IQSEC1: variants seen among roughly 807,000 people sequenced by gnomAD.
IQSEC1 encodes the protein IQ motif and Sec7 domain ArfGEF 1, also known as IQ motif and SEC7 domain-containing protein 1.
In IQSEC1, 31 loss-of-function variants were observed where a neutral mutation model predicts 91.0. The observed-to-expected ratio is 0.34, with a 90% CI of 0.26 to 0.46. The LOEUF is 0.46. Among genes scored for constraint, IQSEC1 ranks in the 20% least tolerant of loss-of-function variants. The probability of loss-of-function intolerance (pLI) is 1.00; values close to 1 mark genes in which losing one functional copy is unlikely to be tolerated. For missense variants in IQSEC1, 1,388 were observed against 1,575.6 expected, an observed-to-expected ratio of 0.88 and a Z score of 2.02; for synonymous variants, 699 against 662.6, an observed-to-expected ratio of 1.05 and a Z score of -0.84.
chr3:12,946,800 G>A (rs140403300), intron 1 of IQSEC1, among the ~76,000 whole-genome samples: 111 of 152,264 alleles, frequency 7.3e-4, no homozygotes, highest in African/African-American at 2.5e-3. Flanking sequence ...CCTGCTGCCC[G>A]CCACAGTTCT....
chr3:13,026,226 T>C (rs1007892596), intron 1 of IQSEC1, among the ~76,000 whole-genome samples: 5 of 152,154 alleles, frequency 3.3e-5, no homozygotes, highest in African/African-American at 1.2e-4. Flanking sequence ...CTCTTTCTGG[T>C]TCATGAAACT....
chr3:13,239,254 C>A (rs1333955450), intron 1 of IQSEC1, among the ~76,000 whole-genome samples: 1 of 152,236 alleles, frequency 6.6e-6, no homozygotes, highest in African/African-American at 2.4e-5. Flanking sequence ...ACTCCACAGG[C>A]AACAGCCACC....
chr3:13,265,750 C>T (rs1030145427), intron 1 of IQSEC1, among the ~76,000 whole-genome samples: 1 of 152,078 alleles, frequency 6.6e-6, no homozygotes, highest in Non-Finnish European at 1.5e-5. Context: ...AAGGATACAA[C>T]AATCCTTTTT....
chr3:12,976,609 C>T (rs1201631210), intron 1 of IQSEC1, among the ~76,000 whole-genome samples: 2 of 152,236 alleles, frequency 1.3e-5, no homozygotes, highest in African/African-American at 2.4e-5. Context: ...CCTGAACCTT[C>T]GTCCACATTC....
At chr3:12,953,042 G>A (rs1284370671) in intron 1 of IQSEC1, among the ~76,000 whole-genome samples, 1 of 152,246 alleles carries the variant, frequency 6.6e-6, no homozygotes, top group Non-Finnish European at 1.5e-5. Context: ...CAGGAAGGGA[G>A]GCCAGTCAGC....
intron 10 of IQSEC1, 70 bp downstream of exon 10, chr3:12,911,559 G>A (rs1695559661): frequency 3.2e-6 from 4 of 1,236,944 alleles, no homozygotes; most frequent in Non-Finnish European, 4.8e-6. Context: ...TTCTGTCCTC[G>A]AAGCAGCCAG....
Position 13,193,428 on chromosome 3 carries a change from G to A in IQSEC1, c.273-29295C>T, listed in dbSNP as rs1282254968. Among the ~76,000 whole-genome samples, 1 of 152,214 alleles carries A rather than the reference G, an allele frequency of 6.6e-6. No homozygotes were observed. The highest frequency in any genetic ancestry group is 1.5e-5 in the Non-Finnish European group (1 of 68,040). ...AGAGGTGGCTTGGAAAGAGCTCTCTGGCTACAGAGTGGTGACCACAGGAAG... is the reference window on the plus strand; with the variant it reads ...AGAGGTGGCTTGGAAAGAGCTCTCTAGCTACAGAGTGGTGACCACAGGAAG... On this transcript the variant is annotated intron_variant, in intron 1 of 15. Coordinates refer to the IQSEC1 transcript ENST00000648114. This position sits in a 1 kb window ranked among gnomAD's most constrained non-coding sequence, Gnocchi z 4.2.
chr3:13,194,832 A>G (rs1694098493), intron 1 of IQSEC1, among the ~76,000 whole-genome samples: 1 of 152,178 alleles, frequency 6.6e-6, no homozygotes, highest in African/African-American at 2.4e-5. Context: ...TCCAGCCTCA[A>G]CCTCAGACCC....
chr3:12,995,591 G>A (rs1368515362), intron 1 of IQSEC1, among the ~76,000 whole-genome samples: 1 of 152,202 alleles, frequency 6.6e-6, no homozygotes. Context: ...ACCCACCTGC[G>A]AAGCTGTAGC....
chr3:13,102,682 C>G (rs1240639406), intron 2 of IQSEC1, among the ~76,000 whole-genome samples: 6 of 152,162 alleles, frequency 3.9e-5, no homozygotes, highest in African/African-American at 1.4e-4. Context: ...CTGTCAACTG[C>G]AGGCCACAGG....
At chr3:13,245,872 T>A in intron 1 of IQSEC1, among the ~76,000 whole-genome samples, 1 of 151,636 alleles carries the variant, frequency 6.6e-6, no homozygotes, top group East Asian at 1.9e-4. Context: ...TGAAAGACAC[T>A]GGGATTTGTT....
intron 1 of IQSEC1, among the ~76,000 whole-genome samples, chr3:12,993,182 GA>G (rs1167055333): frequency 6.6e-6 from 1 of 152,146 alleles, no homozygotes; most frequent in Non-Finnish European, 1.5e-5. Context: ...AACTCTCCTG[GA>G]GGTCTACCGG....
chr3:13,259,218 C>T lies in IQSEC1; in HGVS notation c.272+23493G>A, dbSNP rs1247444233. Among the ~76,000 whole-genome samples the T allele has an allele frequency of 1.3e-5, 2 of 152,202 alleles. No homozygotes were observed. The highest frequency in any genetic ancestry group is 2.9e-5 in the Non-Finnish European group (2 of 68,002). ...GCAGGCCCTGGGACGGGACAGTTTCCACTGGAGCAGGACCTGGACAAGAGG... is the reference window on the plus strand; with the variant it reads ...GCAGGCCCTGGGACGGGACAGTTTCTACTGGAGCAGGACCTGGACAAGAGG... On this transcript the variant is annotated intron_variant, in intron 1 of 15. Transcript: ENST00000648114. The surrounding 1 kb of genome is among the most constrained non-coding windows in gnomAD (Gnocchi z 4.6).
intron 2 of IQSEC1, among the ~76,000 whole-genome samples, chr3:13,122,332 G>C (rs571412546): frequency 7.2e-5 from 11 of 152,392 alleles, no homozygotes; most frequent in Admixed American, 7.2e-4. Flanking sequence ...TGGCAGGGCA[G>C]GTGGCCAGGG....
intron 1 of IQSEC1, among the ~76,000 whole-genome samples, chr3:13,039,461 G>C (rs140577097): frequency 1.3e-5 from 2 of 152,348 alleles, no homozygotes; most frequent in South Asian, 4.1e-4. Context: ...GTTTGGGATC[G>C]CCGTTTTAAA....
intron 1 of IQSEC1, among the ~76,000 whole-genome samples, chr3:12,976,492 C>A (rs566389361): frequency 3.0e-4 from 46 of 152,372 alleles, no homozygotes; most frequent in African/African-American, 1.1e-3. Context: ...TTGGGTTCTG[C>A]AGCTTCCAAG....
At chr3:13,018,343 A>T (rs1174140533) in intron 1 of IQSEC1, among the ~76,000 whole-genome samples, 2 of 152,116 alleles carry the variant, frequency 1.3e-5, no homozygotes, top group East Asian at 3.9e-4. Flanking sequence ...CACGGTGGGA[A>T]GGCAGAGGGG....
chr3:12,907,036 T>C lies in IQSEC1; in HGVS notation c.2755+1313A>G, dbSNP rs575164375. ...GTGACTGTCATGACAGGGAAGATAT[T>C]ACTGGCAACCAGTAGTAGAGGCCAG... On this transcript the variant is annotated intron_variant, in intron 12 of 13. Transcript: ENST00000613206. Among the ~76,000 whole-genome samples the C allele has an allele frequency of 2.0e-5, 3 of 152,220 alleles. No homozygotes were observed. In the South Asian group the frequency reaches 6.2e-4, roughly 32 times the overall value.
Position 12,900,617 on chromosome 3 carries a change from C to G in IQSEC1, c.*366G>C. On this transcript the variant is annotated 3_prime_UTR_variant, in exon 14 of 14. Coordinates refer to ENST00000613206, the MANE Select transcript of IQSEC1 (RefSeq NM_001134382.3). ...TGTCTGTTTTTGTATCTCATTTCTT[C>G]GTTTTCTAGGTTGGGTTTTCATATG... is the stretch of plus-strand genomic sequence containing the variant. 3 of 1,069,282 alleles carry G rather than the reference C, an allele frequency of 2.8e-6. No individual in the cohort carries two copies. Among genetic ancestry groups the G allele is most frequent in the Non-Finnish European group, 3.4e-6 (3 of 882,488 alleles). 66.2% of individuals were successfully genotyped at this position (1,069,282 alleles called of 1,614,324 possible).
Sources: allele counts gnomAD v4.1 joint callset (sites outside exome capture counted in the v4.1 genomes callset), GRCh38; gene constraint gnomAD v4.1.1; non-coding constraint Gnocchi (gnomAD v3.1); transcripts MANE v1.5; gene names NCBI Gene and HGNC (gene_info 2026-07-23, HGNC 2026-07-21).